Variants in NAALADL2 observed in about 807,000 individuals in gnomAD.
NAALADL2 encodes N-acetylated alpha-linked acidic dipeptidase like 2.
A neutral mutation model predicts 87.2 loss-of-function variants in NAALADL2; 76 were observed. That is an observed-to-expected ratio of 0.87 (90% CI 0.72 to 1.05). The LOEUF (loss-of-function observed/expected upper bound fraction) is 1.05, where lower values mean the gene tolerates loss of function less well. Ranked by LOEUF, NAALADL2 falls within the 50% of genes least tolerant of loss-of-function variation. NAALADL2 has a pLI of 0.00. For synonymous variants in NAALADL2, 354 were observed against 331.0 expected (o/e 1.07, Z -0.75); for missense variants, 1,089 against 945.8 (o/e 1.15, Z -1.99).
chr3:174,856,114 C>T (rs997807628), upstream of NAALADL2, among the ~76,000 whole-genome samples: 1 of 151,680 alleles, frequency 6.6e-6, no homozygotes, highest in Admixed American at 6.6e-5. Flanking sequence ...TCAAGCAATC[C>T]TCTCATCTCA....
At chr3:174,787,606 T>TAC (rs1421475298) in intron 3 of NAALADL2, among the ~76,000 whole-genome samples, 72 of 104,750 alleles carry the variant, frequency 6.9e-4, no homozygotes, top group South Asian at 1.6e-3. Context: ...TATATATATA[T>TAC]ATATATATAT....
intron 5 of NAALADL2, among the ~76,000 whole-genome samples, chr3:175,366,427 T>C (rs1765575143): frequency 6.6e-6 from 1 of 151,738 alleles, no homozygotes; most frequent in Non-Finnish European, 1.5e-5. Context: ...CCCTGAGAAA[T>C]CGCCACACTG....
At chr3:175,482,207 G>A (rs1204443396) in intron 9 of NAALADL2, among the ~76,000 whole-genome samples, 1 of 151,916 alleles carries the variant, frequency 6.6e-6, no homozygotes, top group Admixed American at 6.6e-5. Context: ...TTCTAAGTCT[G>A]CTAAAATTAC....
upstream of NAALADL2, among the ~76,000 whole-genome samples, chr3:174,858,445 A>G (rs979065071): frequency 6.6e-6 from 1 of 152,088 alleles, no homozygotes; most frequent in Non-Finnish European, 1.5e-5. Context: ...TTGTTGAGTC[A>G]CAACAGTTAA....
intron 5 of NAALADL2, among the ~76,000 whole-genome samples, chr3:175,413,245 G>T (rs1191408148): frequency 6.7e-6 from 1 of 148,544 alleles, no homozygotes; most frequent in Non-Finnish European, 1.5e-5. Context: ...GAACATCCTG[G>T]CTAACATGGT....
Position 175,737,292 on chromosome 3 carries a change from C to CT in NAALADL2, c.1897-8dup. ...ACTGAATGCTAGTATTTTCTTTTTC[C>CT]TTTTTTCTTTCAGCTCTCAGGAGAA... On this transcript the variant is annotated splice_polypyrimidine_tract_variant and intron_variant, in intron 11 of 13. Coordinates refer to ENST00000454872, the MANE Select transcript of NAALADL2 (RefSeq NM_207015.3). 2 of 1,546,772 alleles carry CT rather than the reference C, an allele frequency of 1.3e-6. No homozygotes were observed. Among genetic ancestry groups the CT allele is most frequent in the Non-Finnish European group, 1.8e-6 (2 of 1,121,664 alleles).
chr3:175,347,634 G>A (rs1763291594), intron 5 of NAALADL2, among the ~76,000 whole-genome samples: 1 of 152,126 alleles, frequency 6.6e-6, no homozygotes, highest in Non-Finnish European at 1.5e-5. Context: ...TGATTTCTTG[G>A]TCATGGCTTT....
intron 2 of NAALADL2, among the ~76,000 whole-genome samples, chr3:174,698,541 C>G (rs1019850493): frequency 2.8e-4 from 42 of 151,954 alleles, no homozygotes; most frequent in African/African-American, 9.9e-4. Context: ...TCTCTAGTTT[C>G]CTTGTTTTGC....
chr3:175,198,622 G>A (rs1739355848), intron 2 of NAALADL2, among the ~76,000 whole-genome samples: 1 of 152,068 alleles, frequency 6.6e-6, no homozygotes, highest in Non-Finnish European at 1.5e-5. Context: ...TAATGTTGAA[G>A]GAGGGTTGCA....
At chr3:175,524,365 A>G (rs530434527) in intron 9 of NAALADL2, among the ~76,000 whole-genome samples, 2 of 152,146 alleles carry the variant, frequency 1.3e-5, no homozygotes, top group Non-Finnish European at 2.9e-5. Context: ...TTGAATAATG[A>G]TCTTATTCTG....
intron 3 of NAALADL2, among the ~76,000 whole-genome samples, chr3:175,250,080 G>A (rs1581118901): frequency 6.6e-6 from 1 of 151,578 alleles, no homozygotes; most frequent in East Asian, 1.9e-4. Context: ...TGAGGCAGGA[G>A]AATCGCTTGA....
At chr3:175,088,576 T>A (rs1012902247) in intron 1 of NAALADL2, among the ~76,000 whole-genome samples, 1 of 152,192 alleles carries the variant, frequency 6.6e-6, no homozygotes, top group African/African-American at 2.4e-5. Flanking sequence ...GCACTTCTAG[T>A]TTGTAGAAAC....
chr3:174,704,558 GAC>G (rs1729878859), intron 2 of NAALADL2, among the ~76,000 whole-genome samples: 1 of 151,784 alleles, frequency 6.6e-6, no homozygotes, highest in Non-Finnish European at 1.5e-5. Flanking sequence ...GGATAAATGA[GAC>G]AAGTTTAGAA....
At chr3:174,751,854 ATGTATG>A (rs973044494) in intron 3 of NAALADL2, among the ~76,000 whole-genome samples, 2 of 126,060 alleles carry the variant, frequency 1.6e-5, no homozygotes, top group African/African-American at 3.4e-5. Flanking sequence ...GAGATTATGT[ATGTATG>A]TGTGTGTGTG....
intron 4 of NAALADL2, among the ~76,000 whole-genome samples, chr3:175,286,924 A>G (rs1755041145): frequency 6.6e-6 from 1 of 151,550 alleles, no homozygotes; most frequent in Non-Finnish European, 1.5e-5. Context: ...CTATCTCTAC[A>G]AAAACAAATC....
intron 3 of NAALADL2, among the ~76,000 whole-genome samples, chr3:174,780,719 T>C (rs1419088404): frequency 6.6e-6 from 1 of 152,146 alleles, no homozygotes; most frequent in Non-Finnish European, 1.5e-5. Flanking sequence ...CAAAGGCCTT[T>C]TCTGCACCTG....
chr3:174,800,917 C>T lies in NAALADL2; in HGVS notation c.-9+63171C>T, dbSNP rs976147691. On this transcript the variant is annotated intron_variant, in intron 3 of 3. Transcript: ENST00000434257. ...ATGGACTTGCATGGGGCTTGTAGCC[C>T]CTTTGTTTTGGCCAGTTTCTCCCAT... Among the ~76,000 whole-genome samples the T allele has an allele frequency of 4.6e-5, 7 of 152,214 alleles. No individual in the cohort carries two copies. In the South Asian group the frequency reaches 1.2e-3, roughly 27 times the overall value.
intron 1 of NAALADL2, among the ~76,000 whole-genome samples, chr3:175,063,603 A>G (rs1559977909): frequency 6.6e-6 from 1 of 152,058 alleles, no homozygotes; most frequent in Non-Finnish European, 1.5e-5. Flanking sequence ...TAGCCTCCCC[A>G]GTAGTTGAGG....
chr3:174,468,790 C>G (rs1242928150), intron 1 of NAALADL2, among the ~76,000 whole-genome samples: 1 of 141,240 alleles, frequency 7.1e-6, no homozygotes, highest in Non-Finnish European at 1.5e-5. Context: ...GAGACGGAGT[C>G]TCACTCTTGT....
Sources: gnomAD v4.1 joint callset for allele counts (sites outside exome capture counted in the v4.1 genomes callset) on GRCh38, gnomAD v4.1.1 for gene constraint, MANE v1.5 for transcripts, NCBI Gene and HGNC (gene_info 2026-07-23, HGNC 2026-07-21) for gene names.